The following TECRL variants were observed in gnomAD, a reference collection of about 807,000 sequenced individuals.
The protein encoded by TECRL is trans-2,3-enoyl-CoA reductase like, also known as trans-2,3-enoyl-CoA reductase-like.
TECRL carries 63 observed loss-of-function variants against 52.8 expected under a neutral mutation model. The observed-to-expected ratio is 1.19, with a 90% CI of 0.97 to 1.47. The LOEUF is 1.47. TECRL is among the 40% of genes most tolerant of loss of function. The pLI, the probability that TECRL is intolerant of heterozygous loss-of-function variation, is 0.00. For synonymous variants in TECRL, 164 were observed against 141.9 expected (o/e 1.16, Z -1.10); for missense variants, 482 against 429.6 (o/e 1.12, Z -1.08).
intron 3 of TECRL, among the ~76,000 whole-genome samples, chr4:64,326,555 T>G (rs914918232): frequency 6.6e-6 from 1 of 152,126 alleles, no homozygotes; most frequent in Non-Finnish European, 1.5e-5. Context: ...CTGCTCATTT[T>G]TATACCTCTA....
intron 2 of TECRL, among the ~76,000 whole-genome samples, chr4:64,366,283 A>C (rs1049974601): frequency 1.3e-5 from 2 of 152,114 alleles, no homozygotes; most frequent in African/African-American, 2.4e-5. Flanking sequence ...TAAAGACTGA[A>C]ATGTAAAACC....
intron 4 of TECRL, among the ~76,000 whole-genome samples, chr4:64,317,220 G>T (rs1312796957): frequency 6.6e-6 from 1 of 152,052 alleles, no homozygotes; most frequent in Non-Finnish European, 1.5e-5. Context: ...GGAGCTTGCA[G>T]TGAGCCAAGA....
intron 2 of TECRL, among the ~76,000 whole-genome samples, chr4:64,364,853 T>C (rs908159814): frequency 2.0e-5 from 1 of 50,138 alleles, no homozygotes; most frequent in South Asian, 1.5e-3. Context: ...CCAGTGCTAC[T>C]AAAACTATTT....
chr4:64,288,737 T>C (rs1723214856), intron 9 of TECRL, among the ~76,000 whole-genome samples: 1 of 152,136 alleles, frequency 6.6e-6, no homozygotes, highest in African/African-American at 2.4e-5. Context: ...CACAGCTTTC[T>C]GAATCCTAGC....
rs960907633 is a variant in TECRL at position 64,314,069 on chromosome 4, G to A, written c.551+579C>T. Among the ~76,000 whole-genome samples the A allele has an allele frequency of 5.2e-4, 78 of 150,814 alleles. 1 individual carries two copies. The highest frequency in any genetic ancestry group is 1.9e-3 in the African/African-American group (77 of 41,240). ...GGAGGCTGAGGCAGGAGAATAGTGTGAACCCGGGAGGCGGAGCGTGCAGTG... is the reference window on the plus strand; with the variant it reads ...GGAGGCTGAGGCAGGAGAATAGTGTAAACCCGGGAGGCGGAGCGTGCAGTG... On this transcript the variant is annotated intron_variant, in intron 5 of 11. Transcript: ENST00000381210.
At chr4:64,345,660 C>T (rs1427015511) in intron 2 of TECRL, among the ~76,000 whole-genome samples, 1 of 151,374 alleles carries the variant, frequency 6.6e-6, no homozygotes, top group East Asian at 2.0e-4. Context: ...TGTAACTAAC[C>T]TGCATGTTGT....
Position 64,280,277 on chromosome 4 carries a change from G to A in TECRL, c.965-78C>T, listed in dbSNP as rs191161470. 4 of 1,128,270 alleles carry A rather than the reference G, an allele frequency of 3.5e-6. No homozygotes were observed. In the African/African-American group the frequency reaches 6.4e-5, roughly 18 times the overall value. The allele number at this position is 1,128,270 out of a possible 1,614,324, so 69.9% of individuals were successfully genotyped here. ...ATATTAGGAAAAGGATCCCTAGCAT[G>A]TTTAGCTTTTAAGATGTTTCTCAAA... On this transcript the variant is annotated intron_variant, in intron 11 of 11. Transcript: ENST00000381210.
chr4:64,372,140 G>A (rs1722018402), intron 2 of TECRL, among the ~76,000 whole-genome samples: 4 of 151,768 alleles, frequency 2.6e-5, no homozygotes, highest in Admixed American at 6.6e-5. Context: ...ATGATATAAA[G>A]GTACATTAGC....
At chr4:64,312,418 G>A (rs1009285493) in intron 5 of TECRL, among the ~76,000 whole-genome samples, 1 of 152,060 alleles carries the variant, frequency 6.6e-6, no homozygotes, top group Non-Finnish European at 1.5e-5. Context: ...GAATAATGTG[G>A]CACAAATACA....
chr4:64,369,298 C>T (rs1721826813), intron 2 of TECRL, among the ~76,000 whole-genome samples: 1 of 152,098 alleles, frequency 6.6e-6, no homozygotes, highest in South Asian at 2.1e-4. Flanking sequence ...CATATTTTCA[C>T]TCTTCCTCTA....
At chr4:64,375,354 A>G (rs1449146959) in intron 1 of TECRL, 131 bp from the exon 2 acceptor site, 2 of 457,760 alleles carry the variant, frequency 4.4e-6, no homozygotes, top group African/African-American at 2.1e-5. Flanking sequence ...TTATCTTTTT[A>G]GTGATTACTA....
rs968413359 is a variant in TECRL at position 64,281,488 on chromosome 4, T to C, written c.904A>G (p.Asn302Asp). 2 of 1,598,976 alleles carry C rather than the reference T, an allele frequency of 1.3e-6. No individual in the cohort carries two copies. The highest frequency in any genetic ancestry group is 1.7e-6 in the Non-Finnish European group (2 of 1,169,072). Residue 302 changes from asparagine (N) to aspartate (D), a missense_variant, in exon 10 of 12, where the codon AAC becomes GAC. By Grantham distance (23) the Asn-to-Asp change is conservative (BLOSUM62 1). Coordinates refer to ENST00000381210, the MANE Select transcript of TECRL (RefSeq NM_001010874.5). Reference sequence around the variant, plus strand: ...AAATAACATACCTCATAGGTGTAGTTAGGACATGAAACCAGGAAAAACATC... The same window carrying C: ...AAATAACATACCTCATAGGTGTAGTCAGGACATGAAACCAGGAAAAACATC... ...TWMFFLVSCP[N>D]YTYEIGSWIS...
At chr4:64,378,979 A>T (rs1722591207) in intron 1 of TECRL, among the ~76,000 whole-genome samples, 1 of 151,902 alleles carries the variant, frequency 6.6e-6, no homozygotes, top group African/African-American at 2.4e-5. Context: ...GCATACACAC[A>T]TATCCTGTTT....
intron 8 of TECRL, among the ~76,000 whole-genome samples, chr4:64,299,409 TA>T (rs1168620852): frequency 8.6e-5 from 13 of 151,178 alleles, no homozygotes; most frequent in East Asian, 1.9e-4. Context: ...TATAAGCACT[TA>T]AAAAAAGTGT....
chr4:64,332,042 A>C (rs2110052717), intron 2 of TECRL, among the ~76,000 whole-genome samples: 1 of 152,296 alleles, frequency 6.6e-6, no homozygotes, highest in African/African-American at 2.4e-5. Flanking sequence ...GGTTAAGAAA[A>C]ATAAAAAGAA....
intron 2 of TECRL, among the ~76,000 whole-genome samples, chr4:64,369,809 A>C (rs1721862903): frequency 1.3e-5 from 2 of 152,150 alleles, no homozygotes; most frequent in African/African-American, 2.4e-5. Flanking sequence ...GCACATAATA[A>C]ATTTTGAAAA....
chr4:64,287,325 A>G (rs1365492101), intron 9 of TECRL, among the ~76,000 whole-genome samples: 3 of 152,154 alleles, frequency 2.0e-5, no homozygotes, highest in African/African-American at 7.2e-5. Flanking sequence ...TATATTCACC[A>G]TTGTTCTAAT....
At chr4:64,357,619 TA>T (rs1446216157) in intron 2 of TECRL, among the ~76,000 whole-genome samples, 1 of 151,448 alleles carries the variant, frequency 6.6e-6, no homozygotes, top group Non-Finnish European at 1.5e-5. Flanking sequence ...AAAGTTAAAA[TA>T]AAAATTATGA....
intron 5 of TECRL, among the ~76,000 whole-genome samples, chr4:64,313,858 G>A (rs2110009439): frequency 6.7e-6 from 1 of 149,808 alleles, no homozygotes; most frequent in South Asian, 2.1e-4. Context: ...TTGTGGCCGG[G>A]CGTGGTGGCT....
Sources: allele counts gnomAD v4.1 joint callset (sites outside exome capture counted in the v4.1 genomes callset), GRCh38; gene constraint gnomAD v4.1.1; transcripts MANE v1.5; gene names NCBI Gene and HGNC (gene_info 2026-07-23, HGNC 2026-07-21).